The following LRP1 variants were observed in gnomAD, a reference collection of about 807,000 sequenced individuals.
LRP1 encodes LDL receptor related protein 1, also known as prolow-density lipoprotein receptor-related protein 1.
LRP1 carries 51 observed loss-of-function variants against 541.5 expected under a neutral mutation model. The observed-to-expected ratio is 0.09, with a 90% CI of 0.08 to 0.12. The LOEUF (loss-of-function observed/expected upper bound fraction) is 0.12, where lower values mean the gene tolerates loss of function less well. Among genes scored for constraint, LRP1 ranks in the 10% least tolerant of loss-of-function variants. The pLI, the probability that LRP1 is intolerant of heterozygous loss-of-function variation, is 1.00. For missense variants in LRP1, 3,878 were observed against 6,376.2 expected, an observed-to-expected ratio of 0.61 and a Z score of 13.34; for synonymous variants, 2,219 against 2,470.8, an observed-to-expected ratio of 0.90 and a Z score of 3.02.
Position 57,154,084 on chromosome 12 carries a change from G to A in LRP1, c.842-124G>A, listed in dbSNP as rs1434631447. ...ATATCCACTCTGAGCTAAGCATGGG[G>A]GTGTTGGGTGGGAGGGCGTCCAGAG... On this transcript the variant is annotated intron_variant, in intron 6 of 88. Coordinates refer to ENST00000243077, the MANE Select transcript of LRP1 (RefSeq NM_002332.3). This position sits in a 1 kb window ranked among gnomAD's most constrained non-coding sequence, Gnocchi z 4.6. 3 of 829,946 alleles carry A rather than the reference G, an allele frequency of 3.6e-6. No homozygotes were observed. The highest frequency in any genetic ancestry group is 1.6e-5 in the South Asian group (1 of 64,376). 51.4% of individuals were successfully genotyped at this position (829,946 alleles called of 1,614,324 possible).
chr12:57,146,177 G>A (rs942484138), intron 6 of LRP1, among the ~76,000 whole-genome samples: 1 of 151,952 alleles, frequency 6.6e-6, no homozygotes, highest in Non-Finnish European at 1.5e-5. Flanking sequence ...ACCCACTGCC[G>A]GGAACAGCCC....
Position 57,202,473 on chromosome 12 carries a change from G to A in LRP1, c.10647G>A (p.Val3549=). The A allele has an allele frequency of 6.2e-7, 1 of 1,613,686 alleles. No homozygotes were observed. The highest frequency in any genetic ancestry group is 1.1e-5 in the South Asian group (1 of 91,084). ...TCCGCTGCAAGAACAACCGCTGCGT[G>A]CCCGGCCGCTGGCAGTGCGACTACG... ...YQFRCKNNRC[V]PGRWQCDYDN... Residue 3549 remains valine, a synonymous_variant, in exon 68 of 89, where the codon GTG becomes GTA. Coordinates refer to ENST00000243077, the MANE Select transcript of LRP1 (RefSeq NM_002332.3).
In LRP1 at chr12:57,206,779, T is replaced by A; in HGVS notation, c.11859+38T>A. ...CCTGGCGTGGATGGAGTGGAAGAGC[T>A]CCATAGAGCAGGCGGTTCAGAGCAG... On this transcript the variant is annotated intron_variant, in intron 76 of 88. Transcript: ENST00000243077. This position sits in a 1 kb window ranked among gnomAD's most constrained non-coding sequence, Gnocchi z 4.7. The A allele has an allele frequency of 6.3e-7, 1 of 1,599,640 alleles. No homozygotes were observed. The highest frequency in any genetic ancestry group is 1.1e-5 in the South Asian group (1 of 90,786).
Position 57,197,393 on chromosome 12 carries a change from C to A in LRP1, c.9162+9C>A. 6.2e-7 allele frequency: 1 copy of A among 1,611,356 alleles called. No individual in the cohort carries two copies. The highest frequency in any genetic ancestry group is 8.5e-7 in the Non-Finnish European group (1 of 1,178,050). ...ACACGTTACTTAAGCAGGTACCAAA[C>A]CCAGGCCCTCCTCCCCGCTGCCCAT... On this transcript the variant is annotated intron_variant, in intron 57 of 88. Coordinates refer to ENST00000243077, the MANE Select transcript of LRP1 (RefSeq NM_002332.3). The surrounding 1 kb of genome is among the most constrained non-coding windows in gnomAD (Gnocchi z 4.5).
At chr12:57,195,619 C>G (rs1592651639) in intron 52 of LRP1, 39 bp from the exon 53 acceptor site, 2 of 1,613,686 alleles carry the variant, frequency 1.2e-6, no homozygotes, top group South Asian at 2.2e-5. Flanking sequence ...GGCCGCTGGC[C>G]AGGCAGGGCT....
At chr12:57,137,563 A>G (rs2035198571) in intron 1 of LRP1, among the ~76,000 whole-genome samples, 1 of 152,126 alleles carries the variant, frequency 6.6e-6, no homozygotes, top group Non-Finnish European at 1.5e-5. Context: ...GGAGAGGACA[A>G]GGCAGGTGGA....
Position 57,197,725 on chromosome 12 carries a change from GTC to G in LRP1, c.9282+66_9282+67del. On this transcript the variant is annotated intron_variant, in intron 58 of 88. Transcript: ENST00000243077. This position sits in a 1 kb window ranked among gnomAD's most constrained non-coding sequence, Gnocchi z 4.5. ...CGCCTCAGATGACTGTTTTCAGATC[GTC>G]TCTCCTTCCCGCCCCACCAACCCAA... is the stretch of plus-strand genomic sequence containing the variant. 1.3e-6 allele frequency: 2 copies of G among 1,589,758 alleles called. No individual in the cohort carries two copies. Among genetic ancestry groups the G allele is most frequent in the South Asian group, 2.2e-5 (2 of 89,638 alleles).
At position 57,197,736 on chromosome 12, in the gene LRP1, C is replaced by A; in HGVS notation, c.9282+72C>A. The A allele has an allele frequency of 6.4e-7, 1 of 1,572,424 alleles. No individual in the cohort carries two copies. The highest frequency in any genetic ancestry group is 1.1e-5 in the South Asian group (1 of 87,854). ...ACTGTTTTCAGATCGTCTCTCCTTCCCGCCCCACCAACCCAAATTGCTTCC... is the reference window on the plus strand; with the variant it reads ...ACTGTTTTCAGATCGTCTCTCCTTCACGCCCCACCAACCCAAATTGCTTCC... On this transcript the variant is annotated intron_variant, in intron 58 of 88. Transcript: ENST00000243077. The surrounding 1 kb of genome is among the most constrained non-coding windows in gnomAD (Gnocchi z 4.5).
chr12:57,144,813 T>C, intron 4 of LRP1, 159 bp from the exon 5 acceptor site: 1 of 700,882 alleles, frequency 1.4e-6, no homozygotes, highest in Non-Finnish European at 2.5e-6. Context: ...CTGGACTTGC[T>C]GGGTGTTAAG....
rs761900939 is a variant in LRP1 at position 57,211,995 on chromosome 12, T to C, written c.13327T>C (p.Trp4443Arg). The change falls in exon 87 of 89, where the codon TGG (tryptophan) becomes CGG (arginine). Residue 4443 changes from tryptophan to arginine, a missense_variant. By Grantham distance (101) the Trp-to-Arg change is moderately radical (BLOSUM62 -3). Coordinates refer to ENST00000243077, the MANE Select transcript of LRP1 (RefSeq NM_002332.3). The surrounding 1 kb of genome is among the most constrained non-coding windows in gnomAD (Gnocchi z 4.3). ...LLVLVAGVVF[W>R]YKRRVQGAKG... is the part of the protein sequence containing the mutation. ...GGTTCTGGTGGCCGGAGTGGTATTC[T>C]GGTATAAGCGGCGAGTCCAAGGGTG... is the stretch of plus-strand genomic sequence containing the variant. 2 of 1,614,180 alleles carry C rather than the reference T, an allele frequency of 1.2e-6. No homozygotes were observed. Among genetic ancestry groups the C allele is most frequent in the South Asian group, 1.1e-5 (1 of 91,086 alleles).
Position 57,199,344 on chromosome 12 carries a change from G to A in LRP1, c.9809G>A (p.Ser3270Asn). 1 of 1,613,110 alleles carries A rather than the reference G, an allele frequency of 6.2e-7. No individual in the cohort carries two copies. ...GGCACCAACAAAACGCTCCTCATCA[G>A]CACGCTGCACCGGCCCATGGACCTG... ...TTGTNKTLLI[S>N]TLHRPMDLHV... is the part of the protein sequence containing the mutation. The change falls in exon 61 of 89, where the codon AGC becomes AAC. Residue 3270 changes from serine to asparagine, a missense_variant. Transcript: ENST00000243077.
intron 41 of LRP1, among the ~76,000 whole-genome samples, chr12:57,186,193 G>A (rs2036267940): frequency 6.6e-6 from 1 of 152,196 alleles, no homozygotes; most frequent in African/African-American, 2.4e-5. Context: ...CAGACATGGG[G>A]CTGAGCTCCA....
In LRP1 at chr12:57,145,330, G is replaced by A. The variant is rs149364490; in HGVS notation, c.681G>A (p.Thr227=). The stretch of plus-strand genomic sequence containing the variant: ...TGTCTACCATCACACCTACGAGCAC[G>A]CGGCAGACCACAGCCATGGACTTCA... ...AQVSTITPTS[T]RQTTAMDFSY... Residue 227 remains threonine (T), a synonymous_variant, in exon 6 of 89, where the codon ACG becomes ACA. Transcript: ENST00000243077. The A allele has an allele frequency of 1.7e-5, 28 of 1,614,034 alleles. No individual in the cohort carries two copies. The highest frequency in any genetic ancestry group is 1.9e-5 in the Non-Finnish European group (23 of 1,180,042).
Position 57,211,896 on chromosome 12 carries a change from G to T in LRP1, c.13259-31G>T. On this transcript the variant is annotated intron_variant, in intron 86 of 88. Transcript: ENST00000243077. This position sits in a 1 kb window ranked among gnomAD's most constrained non-coding sequence, Gnocchi z 4.3. ...TGTGCCTCCTGCTTCCCTGAGCCTT[G>T]GTGACTCAGTGTCCCACCTCTTCCC... 6.2e-7 allele frequency: 1 copy of T among 1,613,344 alleles called. No individual in the cohort carries two copies. The highest frequency in any genetic ancestry group is 8.5e-7 in the Non-Finnish European group (1 of 1,179,412).
At chr12:57,164,343 A>G (rs974902386) in intron 15 of LRP1, 1 of 152,220 alleles carries the variant, frequency 6.6e-6, no homozygotes, top group African/African-American at 2.4e-5. Context: ...CGTGCTGCAC[A>G]TACTGTTCTG....
At chr12:57,190,443 TGA>T (rs2136718046) in intron 42 of LRP1, among the ~76,000 whole-genome samples, 1 of 152,346 alleles carries the variant, frequency 6.6e-6, no homozygotes, top group Admixed American at 6.5e-5. Flanking sequence ...ACAGGGCAGT[TGA>T]GTAAGTTGCC....
intron 19 of LRP1, among the ~76,000 whole-genome samples, chr12:57,168,724 AG>A (rs1475983586): frequency 2.0e-5 from 3 of 152,330 alleles, no homozygotes; most frequent in Non-Finnish European, 4.4e-5. Flanking sequence ...CAGCAGTGCC[AG>A]CCTCAGGGCA....
At chr12:57,147,093 G>A (rs1222949574) in intron 6 of LRP1, among the ~76,000 whole-genome samples, 1 of 151,708 alleles carries the variant, frequency 6.6e-6, no homozygotes, top group African/African-American at 2.4e-5. Flanking sequence ...GATTTGCCTT[G>A]CCTCCCAGTC....
chr12:57,149,791 T>G (rs1055085276), intron 6 of LRP1: 15 of 704,556 alleles, frequency 2.1e-5, no homozygotes, highest in Non-Finnish European at 3.6e-5. Context: ...ACAAGGAGCA[T>G]GAGGCCACAT....
Sources: gnomAD v4.1 joint callset for allele counts (sites outside exome capture counted in the v4.1 genomes callset) on GRCh38, gnomAD v4.1.1 for gene constraint, Gnocchi (gnomAD v3.1) non-coding constraint, MANE v1.5 for transcripts, NCBI Gene and HGNC (gene_info 2026-07-23, HGNC 2026-07-21) for gene names.